COL24A1: variants seen among roughly 807,000 people sequenced by gnomAD.
COL24A1 encodes the protein collagen alpha-1(XXIV) chain.
In COL24A1, 224 loss-of-function variants were observed where a neutral mutation model predicts 253.9. The observed-to-expected ratio is 0.88, with a 90% CI of 0.79 to 0.99. The LOEUF (loss-of-function observed/expected upper bound fraction) is 0.99. Among genes scored for constraint, COL24A1 ranks in the 50% least tolerant of loss-of-function variants. COL24A1 has a pLI of 0.00. For synonymous variants in COL24A1, 685 were observed against 673.7 expected, an observed-to-expected ratio of 1.02 and a Z score of -0.26; for missense variants, 2,131 against 2,068.5, an observed-to-expected ratio of 1.03 and a Z score of -0.59.
chr1:85,858,674 T>TCCTTCCTC (rs1463864783), intron 37 of COL24A1, among the ~76,000 whole-genome samples: 13 of 149,180 alleles, frequency 8.7e-5, no homozygotes, highest in Admixed American at 6.0e-4. Flanking sequence ...CTTCCTTCCT[T>TCCTTCCTC]CCTTCCCTCC....
intron 24 of COL24A1, among the ~76,000 whole-genome samples, chr1:85,913,377 T>C (rs1278197635): frequency 1.3e-5 from 2 of 152,220 alleles, no homozygotes; most frequent in Admixed American, 6.5e-5. Context: ...TATGGTGCTG[T>C]TTCTCCTATA....
chr1:85,908,210 AT>A (rs1485622196), intron 27 of COL24A1, among the ~76,000 whole-genome samples: 1 of 151,720 alleles, frequency 6.6e-6, no homozygotes, highest in East Asian at 1.9e-4. Flanking sequence ...ATAAATACAT[AT>A]TTTTATGAAT....
intron 43 of COL24A1, among the ~76,000 whole-genome samples, chr1:85,834,440 A>C (rs1021843904): frequency 6.6e-6 from 1 of 152,122 alleles, no homozygotes; most frequent in Non-Finnish European, 1.5e-5. Context: ...GATCAGATTA[A>C]ATTTGGAAAG....
intron 16 of COL24A1, 81 bp from the exon 17 acceptor site, chr1:86,022,672 A>G (rs911338625): frequency 6.9e-7 from 1 of 1,440,460 alleles, no homozygotes; most frequent in Non-Finnish European, 9.5e-7. Context: ...TTCATTGTAG[A>G]AGAATAATTT....
chr1:85,896,917 A>T (rs1242423122), intron 28 of COL24A1, among the ~76,000 whole-genome samples: 1 of 152,210 alleles, frequency 6.6e-6, no homozygotes, highest in African/African-American at 2.4e-5. Context: ...ACAAATAGTA[A>T]GTCAAATGAG....
intron 28 of COL24A1, among the ~76,000 whole-genome samples, chr1:85,906,080 T>C (rs1220377806): frequency 6.6e-6 from 1 of 151,786 alleles, no homozygotes; most frequent in East Asian, 1.9e-4. Context: ...GATGTGACCA[T>C]AGAGTATAAA....
At chr1:85,873,144 C>G (rs1329971115) in intron 35 of COL24A1, among the ~76,000 whole-genome samples, 1 of 152,208 alleles carries the variant, frequency 6.6e-6, no homozygotes, top group Non-Finnish European at 1.5e-5. Flanking sequence ...GATACCATCT[C>G]ACACCAGTTA....
intron 21 of COL24A1, among the ~76,000 whole-genome samples, 169 bp downstream of exon 21, chr1:85,971,171 T>C (rs1415955418): frequency 6.6e-6 from 1 of 152,112 alleles, no homozygotes; most frequent in African/African-American, 2.4e-5. Flanking sequence ...ATAGCACCAC[T>C]GCACTCCATC....
intron 3 of COL24A1, among the ~76,000 whole-genome samples, chr1:86,121,702 G>C (rs977688988): frequency 3.3e-5 from 5 of 152,212 alleles, no homozygotes; most frequent in Admixed American, 1.3e-4. Flanking sequence ...TGATGACACG[G>C]TTGTAGAAAA....
intron 9 of COL24A1, among the ~76,000 whole-genome samples, chr1:86,058,245 A>C (rs1195042283): frequency 1.3e-5 from 2 of 152,034 alleles, no homozygotes; most frequent in East Asian, 3.9e-4. Flanking sequence ...TTTTCATTAC[A>C]TTATTTCTCA....
At chr1:85,777,948 T>C (rs1668727495) in intron 52 of COL24A1, among the ~76,000 whole-genome samples, 1 of 152,140 alleles carries the variant, frequency 6.6e-6, no homozygotes. Context: ...TTTGATGGAA[T>C]GCTTTTCATT....
Position 85,737,510 on chromosome 1 carries a change from T to C in COL24A1, c.4673-5A>G. On this transcript the variant is annotated splice_polypyrimidine_tract_variant and splice_region_variant and intron_variant, in intron 57 of 59. Coordinates refer to ENST00000370571, the MANE Select transcript of COL24A1 (RefSeq NM_152890.7). ...TTGGGTCAATCCAGTATTTTCCTAA[T>C]AATTTATAGTAAAACATAAAGTTAA... 6.4e-7 allele frequency: 1 copy of C among 1,567,418 alleles called. No homozygotes were observed. The highest frequency in any genetic ancestry group is 8.7e-7 in the Non-Finnish European group (1 of 1,146,942).
intron 37 of COL24A1, among the ~76,000 whole-genome samples, chr1:85,850,349 C>T (rs1380746856): frequency 6.6e-6 from 1 of 152,182 alleles, no homozygotes; most frequent in African/African-American, 2.4e-5. Context: ...CAAGAAATAA[C>T]TTGTGGTTTA....
At chr1:85,737,324 A>T in intron 58 of COL24A1, 72 bp downstream of exon 58, 1 of 811,506 alleles carries the variant, frequency 1.2e-6, no homozygotes, top group Non-Finnish European at 1.9e-6. Context: ...TTAAAATGAT[A>T]GAATTTTAAA....
intron 57 of COL24A1, 97 bp downstream of exon 57, chr1:85,744,569 C>G: frequency 9.4e-7 from 1 of 1,068,922 alleles, no homozygotes; most frequent in Non-Finnish European, 1.3e-6. Flanking sequence ...TTTTATCAAA[C>G]TAACTATGAT....
chr1:85,995,274 T>A, intron 19 of COL24A1, among the ~76,000 whole-genome samples: 1 of 151,990 alleles, frequency 6.6e-6, no homozygotes, highest in Non-Finnish European at 1.5e-5. Context: ...TTTTTAGAGA[T>A]GTGGTCTCGT....
intron 24 of COL24A1, among the ~76,000 whole-genome samples, chr1:85,939,918 A>G (rs952112060): frequency 6.6e-6 from 1 of 151,560 alleles, no homozygotes; most frequent in Non-Finnish European, 1.5e-5. Context: ...ATGAAGTAGT[A>G]GTATAAATAA....
At chr1:85,984,245 C>T (rs923722903) in intron 20 of COL24A1, among the ~76,000 whole-genome samples, 1 of 151,782 alleles carries the variant, frequency 6.6e-6, no homozygotes, top group Non-Finnish European at 1.5e-5. Context: ...GGTTCTTCAC[C>T]TAGTATGATA....
At chr1:85,812,797 T>C (rs1453667878) in intron 47 of COL24A1, among the ~76,000 whole-genome samples, 27 of 152,212 alleles carry the variant, frequency 1.8e-4, no homozygotes, top group Admixed American at 1.8e-3. Flanking sequence ...ATCATAGTGG[T>C]TGCTCAATGG....
Sources: gnomAD v4.1 joint callset for allele counts (sites outside exome capture counted in the v4.1 genomes callset) on GRCh38, gnomAD v4.1.1 for gene constraint, MANE v1.5 for transcripts, NCBI Gene and HGNC (gene_info 2026-07-23, HGNC 2026-07-21) for gene names.